The following SHOC2 variants were observed in gnomAD, a reference collection of about 807,000 sequenced individuals.
The protein encoded by SHOC2 is leucine-rich repeat protein SHOC-2.
SHOC2 carries 4 observed loss-of-function variants against 50.2 expected under a neutral mutation model. The ratio of observed to expected loss-of-function variants is 0.08; its 90% CI spans 0.04 to 0.18. The LOEUF is 0.18. SHOC2 is among the 10% of genes least tolerant of loss of function. The pLI is 1.00. For synonymous variants in SHOC2, 218 were observed against 244.5 expected (o/e 0.89, Z 1.01); for missense variants, 388 against 669.6 (o/e 0.58, Z 4.64).
rs965177451 is a variant in SHOC2, at chr10:110,919,645, G to C, written c.-247G>C. The C allele has an allele frequency of 2.5e-6, 1 of 398,808 alleles. No homozygotes were observed. Among genetic ancestry groups the C allele is most frequent in the Non-Finnish European group, 4.4e-6 (1 of 226,336 alleles). The allele number at this position is 398,808 out of a possible 1,614,324, so 24.7% of individuals were successfully genotyped here. On this transcript the variant is annotated 5_prime_UTR_variant, in exon 1 of 9. Coordinates refer to ENST00000369452, the MANE Select transcript of SHOC2 (RefSeq NM_007373.4). Reference sequence around the variant, plus strand: ...GGCGAGCGAGGAGGATGGCGGAGTCGGGGCTCCTGACGGTAACTCGGGGCC... The same window carrying C: ...GGCGAGCGAGGAGGATGGCGGAGTCCGGGCTCCTGACGGTAACTCGGGGCC...
intron 1 of SHOC2, among the ~76,000 whole-genome samples, chr10:110,940,841 T>A (rs1487434202): frequency 3.3e-5 from 5 of 151,694 alleles, no homozygotes; most frequent in Non-Finnish European, 5.9e-5. Context: ...ATTCACACAC[T>A]CTTTCTATAG....
intron 1 of SHOC2, among the ~76,000 whole-genome samples, chr10:110,923,659 T>C (rs990665543): frequency 2.1e-5 from 3 of 141,504 alleles, no homozygotes; most frequent in Non-Finnish European, 3.2e-5. Flanking sequence ...TAGTACATGC[T>C]CTAAAATGTA....
intron 2 of SHOC2, among the ~76,000 whole-genome samples, chr10:110,980,472 T>C (rs984121109): frequency 6.6e-6 from 1 of 152,188 alleles, no homozygotes; most frequent in African/African-American, 2.4e-5. Context: ...TTCACTCACT[T>C]ACTTCCACTG....
At chr10:110,983,013 G>A (rs1256758241) in intron 2 of SHOC2, among the ~76,000 whole-genome samples, 1 of 152,094 alleles carries the variant, frequency 6.6e-6, no homozygotes, top group African/African-American at 2.4e-5. Context: ...AATGGCAGTA[G>A]TACTATTCAG....
chr10:110,919,982 G>C (rs1211861447), intron 1 of SHOC2: 2 of 149,348 alleles, frequency 1.3e-5, no homozygotes, highest in South Asian at 3.6e-4. Context: ...GGGCGGCCCG[G>C]ACAGCGCCTG....
chr10:110,926,623 T>C (rs549194428), intron 1 of SHOC2, among the ~76,000 whole-genome samples: 6 of 152,324 alleles, frequency 3.9e-5, no homozygotes, highest in African/African-American at 1.4e-4. Flanking sequence ...CTTAATGTTA[T>C]GACAAACATG....
chr10:110,932,592 C>CA (rs2134077925), intron 1 of SHOC2, among the ~76,000 whole-genome samples: 1 of 152,292 alleles, frequency 6.6e-6, no homozygotes, highest in East Asian at 1.9e-4. Flanking sequence ...GTCAGGATGA[C>CA]ACCACCTGGA....
Position 111,004,728 on chromosome 10 carries a change from T to C in SHOC2, c.1095T>C (p.Asn365=). 6.2e-7 allele frequency: 1 copy of C among 1,613,780 alleles called. No individual in the cohort carries two copies. Among genetic ancestry groups the C allele is most frequent in the South Asian group, 1.1e-5 (1 of 91,080 alleles). Residue 365 remains asparagine (N), a synonymous_variant, in exon 5 of 9, where the codon AAT becomes AAC. Coordinates refer to ENST00000369452, the MANE Select transcript of SHOC2 (RefSeq NM_007373.4). ...STIYSLNMEH[N]RINKIPFGIF... ...TCTATTCCCTCAACATGGAACACAA[T>C]CGAATCAACAAAATTCCATTTGGAA... is the stretch of plus-strand genomic sequence containing the variant.
At chr10:110,939,076 T>A (rs1331233828) in intron 1 of SHOC2, among the ~76,000 whole-genome samples, 1 of 152,204 alleles carries the variant, frequency 6.6e-6, no homozygotes, top group Admixed American at 6.5e-5. Flanking sequence ...AGGAGGAATT[T>A]TGGAAATCTT....
Position 111,009,828 on chromosome 10 carries a change from T to C in SHOC2, c.1538T>C (p.Ile513Thr). The C allele has an allele frequency of 2.0e-6, 3 of 1,536,928 alleles. No individual in the cohort carries two copies. Among genetic ancestry groups the C allele is most frequent in the Non-Finnish European group, 2.7e-6 (3 of 1,109,608 alleles). The change falls in exon 8 of 9, where the codon ATT (isoleucine) becomes ACT (threonine). Residue 513 changes from isoleucine to threonine, a missense_variant and splice_region_variant. Transcript: ENST00000369452. ...ENLLTHLPEE[I>T]GTLENLEELY... is the part of the protein sequence containing the mutation. ...CTACTTACTCACCTTCCTGAAGAAA[T>C]TGGTATGAACCCTGTGAATGCTTGA...
At chr10:110,942,628 T>G (rs955622374) in intron 1 of SHOC2, among the ~76,000 whole-genome samples, 1 of 152,210 alleles carries the variant, frequency 6.6e-6, no homozygotes, top group African/African-American at 2.4e-5. Flanking sequence ...TGATAATCCA[T>G]ACCAGGCTAC....
At chr10:110,924,553 T>G (rs1387036593) in intron 1 of SHOC2, among the ~76,000 whole-genome samples, 1 of 152,184 alleles carries the variant, frequency 6.6e-6, no homozygotes, top group Non-Finnish European at 1.5e-5. Flanking sequence ...CTTGTATTAT[T>G]ATTAATAATA....
chr10:110,931,360 CT>C (rs1846893076), intron 1 of SHOC2, among the ~76,000 whole-genome samples: 1 of 152,138 alleles, frequency 6.6e-6, no homozygotes, highest in Non-Finnish European at 1.5e-5. Flanking sequence ...CAATAACATT[CT>C]TTTGAGCATG....
In SHOC2 at chr10:111,000,423, T is replaced by A; in HGVS notation, c.850T>A (p.Ser284Thr). Reference sequence around the variant, plus strand: ...TTTGTGTGTGTTTACAGGAAACCTGTCCAGTTTAAGTCGTCTTGGTCTGAG... The same window carrying A: ...TTTGTGTGTGTTTACAGGAAACCTGACCAGTTTAAGTCGTCTTGGTCTGAG... ...LDLPDTIGNL[S>T]SLSRLGLRYN... The change falls in exon 4 of 9, where the codon TCC becomes ACC. Residue 284 changes from serine to threonine, a missense_variant. Ser to Thr is a moderately conservative substitution (Grantham distance 58, BLOSUM62 1). This residue lies in a region of SHOC2 where 48 missense variants were observed against 151.6 expected (regional missense o/e 0.32). Coordinates refer to ENST00000369452, the MANE Select transcript of SHOC2 (RefSeq NM_007373.4). 4 of 1,613,808 alleles carry A rather than the reference T, an allele frequency of 2.5e-6. No homozygotes were observed. Among genetic ancestry groups the A allele is most frequent in the Non-Finnish European group, 3.4e-6 (4 of 1,179,818 alleles).
chr10:110,984,746 A>G (rs1449250745), intron 2 of SHOC2, among the ~76,000 whole-genome samples: 1 of 152,206 alleles, frequency 6.6e-6, no homozygotes, highest in African/African-American at 2.4e-5. Context: ...ATGGAAAGGG[A>G]GAAATATACC....
intron 3 of SHOC2, among the ~76,000 whole-genome samples, chr10:110,991,549 T>C (rs539482599): frequency 6.6e-6 from 1 of 152,326 alleles, no homozygotes; most frequent in South Asian, 2.1e-4. Flanking sequence ...TCTGAGTAAA[T>C]GGCAAAGTAA....
intron 1 of SHOC2, among the ~76,000 whole-genome samples, chr10:110,926,565 C>T (rs7079511): frequency 0.55 from 83,804 of 152,020 alleles, 25,616 homozygotes; most frequent in Non-Finnish European, 0.69. Context: ...AAGAAAAACT[C>T]GAAAAGCCAG....
chr10:110,998,242 G>A (rs939502145), intron 3 of SHOC2, among the ~76,000 whole-genome samples: 5 of 151,948 alleles, frequency 3.3e-5, no homozygotes, highest in African/African-American at 9.7e-5. Context: ...CAGGTGATCC[G>A]CTTGCCTCGA....
At chr10:110,937,112 A>G (rs1169856030) in intron 1 of SHOC2, 15 of 1,468,782 alleles carry the variant, frequency 1.0e-5, no homozygotes, top group African/African-American at 1.4e-5. Context: ...AGAAATGTTG[A>G]TGCCTTTGCA....
Sources: allele counts gnomAD v4.1 joint callset (sites outside exome capture counted in the v4.1 genomes callset), GRCh38; gene constraint gnomAD v4.1.1; regional missense constraint gnomAD v4.1.1; transcripts MANE v1.5; gene names NCBI Gene and HGNC (gene_info 2026-07-23, HGNC 2026-07-21).